The following SLC16A12 variants were observed in gnomAD, a reference collection of about 807,000 sequenced individuals.
SLC16A12 encodes the protein solute carrier family 16 member 12.
Under a neutral mutation model 42.4 loss-of-function variants are expected in SLC16A12, and 17 were observed. The observed-to-expected ratio is 0.40, with a 90% CI of 0.27 to 0.60. The LOEUF is 0.60. SLC16A12 is among the 20% of genes least tolerant of loss of function. SLC16A12 has a pLI of 0.42. For missense variants in SLC16A12, 544 were observed against 623.0 expected, an observed-to-expected ratio of 0.87 and a Z score of 1.35; for synonymous variants, 224 against 229.4, an observed-to-expected ratio of 0.98 and a Z score of 0.21.
chr10:89,481,678 AGTGTGTGTGT>A (rs528666796), intron 2 of SLC16A12, among the ~76,000 whole-genome samples: 2 of 143,896 alleles, frequency 1.4e-5, no homozygotes, highest in Non-Finnish European at 3.0e-5. Context: ...AGAGAGAGAG[AGTGTGTGTGT>A]GTGTGTGTGT....
Position 89,439,044 on chromosome 10 carries a change from G to A in SLC16A12, c.588C>T (p.Leu196=). 1 of 1,613,840 alleles carries A rather than the reference G, an allele frequency of 6.2e-7. No homozygotes were observed. The highest frequency in any genetic ancestry group is 8.5e-7 in the Non-Finnish European group (1 of 1,179,868). Residue 196 remains leucine (L), a synonymous_variant, in exon 6 of 8, where the codon CTC becomes CTT. Coordinates refer to ENST00000371790, the MANE Select transcript of SLC16A12 (RefSeq NM_213606.4). ...GTFILAPVVQ[L]LIEQFSWRGA... ...CCCGCCAGGAAAACTGTTCAATAAG[G>A]AGCTGAACCACAGGAGCCAGGATGA...
rs1397648845 is a variant in SLC16A12, at chr10:89,486,602, AAAAAGAAAGAAAGAAAGAAAGAAAG to A, written c.-46-24003_-46-23979del. ...GTGAAACCTTGTCTCAAAAAAAAAA[AAAAAGAAAGAAAGAAAGAAAGAAAG>A]AAAGAAAGAAAGAAAGAAAGAAAGA... On this transcript the variant is annotated intron_variant, in intron 2 of 7. Coordinates refer to ENST00000371790, the MANE Select transcript of SLC16A12 (RefSeq NM_213606.4). Among the ~76,000 whole-genome samples, 112 of 116,110 alleles carry A rather than the reference AAAAAGAAAGAAAGAAAGAAAGAAAG, an allele frequency of 9.6e-4. 1 individual carries two copies. Among genetic ancestry groups the A allele is most frequent in the Non-Finnish European group, 1.4e-3 (79 of 56,026 alleles). 76.2% of individuals were successfully genotyped at this position (116,110 alleles called of 152,430 possible). A position where few individuals can be genotyped will look rare whatever the true frequency, so the allele number is the denominator to read the frequency against.
At chr10:89,532,222 C>T (rs1181560560) in intron 2 of SLC16A12, among the ~76,000 whole-genome samples, 1 of 152,048 alleles carries the variant, frequency 6.6e-6, no homozygotes, top group African/African-American at 2.4e-5. Context: ...AGCAATTAAC[C>T]CTACTCGTCA....
chr10:89,480,114 C>A (rs1842641575), intron 2 of SLC16A12, among the ~76,000 whole-genome samples: 1 of 152,198 alleles, frequency 6.6e-6, no homozygotes, highest in Non-Finnish European at 1.5e-5. Flanking sequence ...TGACAGGACA[C>A]CCCTCTCTCA....
chr10:89,444,879 T>TG (rs1841973761), intron 3 of SLC16A12, among the ~76,000 whole-genome samples: 1 of 152,188 alleles, frequency 6.6e-6, no homozygotes, highest in South Asian at 2.1e-4. Context: ...CTGGGAAAAT[T>TG]GGGGCACTGC....
intron 2 of SLC16A12, among the ~76,000 whole-genome samples, chr10:89,464,698 T>G (rs1842363258): frequency 6.6e-6 from 1 of 152,182 alleles, no homozygotes; most frequent in African/African-American, 2.4e-5. Flanking sequence ...CAACAGAAAT[T>G]TATAAGTGTG....
upstream of SLC16A12, among the ~76,000 whole-genome samples, chr10:89,539,158 C>T (rs1007269475): frequency 6.6e-6 from 1 of 152,182 alleles, no homozygotes; most frequent in African/African-American, 2.4e-5. Flanking sequence ...CTCAATGGTC[C>T]TGAATAGTCT....
At chr10:89,480,413 T>C (rs967413737) in intron 2 of SLC16A12, among the ~76,000 whole-genome samples, 1 of 152,200 alleles carries the variant, frequency 6.6e-6, no homozygotes, top group Non-Finnish European at 1.5e-5. Context: ...GCAAAATACA[T>C]GTAAAAGCAT....
At chr10:89,495,161 G>A (rs1178045905) in intron 2 of SLC16A12, among the ~76,000 whole-genome samples, 1 of 152,046 alleles carries the variant, frequency 6.6e-6, no homozygotes, top group Non-Finnish European at 1.5e-5. Flanking sequence ...GAGCAGCCTG[G>A]CCAACATATA....
chr10:89,444,925 A>C (rs7476546), intron 3 of SLC16A12, among the ~76,000 whole-genome samples: 4,790 of 152,348 alleles, frequency 0.031, 262 homozygotes, highest in African/African-American at 0.11. Context: ...GGTCTTAGCA[A>C]ATGGCACACC....
chr10:89,483,747 A>C (rs1357476972), intron 2 of SLC16A12, among the ~76,000 whole-genome samples: 3 of 149,264 alleles, frequency 2.0e-5, no homozygotes, highest in East Asian at 3.9e-4. Context: ...CTAAAAAAAA[A>C]AAAAAACAAA....
chr10:89,510,872 TA>T (rs1843151795), intron 2 of SLC16A12, among the ~76,000 whole-genome samples: 1 of 151,918 alleles, frequency 6.6e-6, no homozygotes, highest in African/African-American at 2.4e-5. Context: ...AAATAATTTA[TA>T]CAAATTTACA....
intron 2 of SLC16A12, among the ~76,000 whole-genome samples, chr10:89,555,561 ATATACG>A (rs1487065868): frequency 1.2e-4 from 15 of 121,810 alleles, no homozygotes; most frequent in Non-Finnish European, 1.0e-4. Flanking sequence ...GTATATATAC[ATATACG>A]TATATGTATA....
chr10:89,493,059 G>A (rs1842869276), intron 2 of SLC16A12, among the ~76,000 whole-genome samples: 1 of 152,088 alleles, frequency 6.6e-6, no homozygotes, highest in Non-Finnish European at 1.5e-5. Flanking sequence ...TGCCAACAGT[G>A]AGCTGCAGGT....
At chr10:89,526,242 A>T (rs979826514) in intron 2 of SLC16A12, among the ~76,000 whole-genome samples, 1 of 152,206 alleles carries the variant, frequency 6.6e-6, no homozygotes, top group Admixed American at 6.5e-5. Context: ...TTCATTAACC[A>T]AAATGCACAT....
chr10:89,491,391 A>AAAAAC (rs1044197445), intron 2 of SLC16A12, among the ~76,000 whole-genome samples: 17 of 152,344 alleles, frequency 1.1e-4, no homozygotes, highest in Middle Eastern at 3.4e-3. Context: ...ACAAAAAACA[A>AAAAAC]AAAACAAAAC....
chr10:89,526,183 G>A (rs1353806327), intron 2 of SLC16A12, among the ~76,000 whole-genome samples: 2 of 151,648 alleles, frequency 1.3e-5, no homozygotes, highest in Non-Finnish European at 1.5e-5. Flanking sequence ...TGGCAGTTAT[G>A]TACAACTGTA....
chr10:89,514,315 G>C (rs552548303), intron 2 of SLC16A12, among the ~76,000 whole-genome samples: 1 of 152,346 alleles, frequency 6.6e-6, no homozygotes, highest in Non-Finnish European at 1.5e-5. Context: ...TGGTGTCACT[G>C]AAGTCAAATA....
At chr10:89,433,744 C>T (rs1370782028) in intron 7 of SLC16A12, among the ~76,000 whole-genome samples, 1 of 152,204 alleles carries the variant, frequency 6.6e-6, no homozygotes, top group African/African-American at 2.4e-5. Flanking sequence ...TTTTGAGTAA[C>T]ATGACATGCT....
Sources: allele counts gnomAD v4.1 joint callset (sites outside exome capture counted in the v4.1 genomes callset), GRCh38; gene constraint gnomAD v4.1.1; transcripts MANE v1.5; gene names NCBI Gene and HGNC (gene_info 2026-07-23, HGNC 2026-07-21).